The following AGRN variants were observed in gnomAD, a reference collection of about 807,000 sequenced individuals.
AGRN encodes the protein agrin proteoglycan.
AGRN carries 106 observed loss-of-function variants against 211.0 expected under a neutral mutation model. The ratio of observed to expected loss-of-function variants is 0.50; its 90% CI spans 0.43 to 0.59. AGRN has a LOEUF of 0.59. AGRN is among the 20% of genes least tolerant of loss of function. The probability of loss-of-function intolerance (pLI) is 0.00; values close to 1 mark genes in which losing one functional copy is unlikely to be tolerated. For missense variants in AGRN, 3,040 were observed against 2,982.6 expected (o/e 1.02, Z -0.45); for synonymous variants, 1,525 against 1,332.5 (o/e 1.14, Z -3.15).
At chr1:1,035,188 A>AGGG (rs1212899806) in intron 2 of AGRN, 89 bp from the exon 3 acceptor site, 4 of 1,019,870 alleles carry the variant, frequency 3.9e-6, no homozygotes, top group Non-Finnish European at 4.1e-6. Context: ...GGGGGTGGGC[A>AGGG]GGGGTGCCCC....
intron 3 of AGRN, 41 bp downstream of exon 3, chr1:1,035,365 C>T: frequency 6.2e-7 from 1 of 1,610,036 alleles, no homozygotes; most frequent in Non-Finnish European, 8.5e-7. Context: ...TGGGCTGTGG[C>T]ACTCTTGGGA....
Position 1,055,134 on chromosome 1 carries a change from T to C in AGRN, c.*153T>C. ...GCAGCCGTGCTGCAGACAGACCTAG[T>C]GCCGAGGGATGGACAGGCGAGGTGG... On this transcript the variant is annotated 3_prime_UTR_variant, in exon 36 of 36. Transcript: ENST00000379370. The C allele has an allele frequency of 7.8e-7, 1 of 1,282,026 alleles. No homozygotes were observed. 79.4% of individuals were successfully genotyped at this position (1,282,026 alleles called of 1,614,324 possible).
rs1443816566 is a variant in AGRN at position 1,045,985 on chromosome 1, G to C, written c.2702G>C (p.Cys901Ser). The C allele has an allele frequency of 1.9e-6, 3 of 1,613,784 alleles. No individual in the cohort carries two copies. The highest frequency in any genetic ancestry group is 2.5e-6 in the Non-Finnish European group (3 of 1,180,016). ...CCAGACGCTTCTGCGCCTGCGACCT[G>C]TGCGGAGATGCGCTGTGAGTTCGGT... ...CEADASAPAT[C>S]AEMRCEFGAR... Residue 901 changes from cysteine (C) to serine (S), a missense_variant, in exon 16 of 36, where the codon TGT becomes TCT. Coordinates refer to ENST00000379370, the MANE Select transcript of AGRN (RefSeq NM_198576.4).
rs752086367 is a variant in AGRN at position 1,048,145 on chromosome 1, C to T, written c.3885C>T (p.Ser1295=). The T allele has an allele frequency of 1.3e-6, 2 of 1,577,464 alleles. No individual in the cohort carries two copies. Among genetic ancestry groups the T allele is most frequent in the South Asian group, 2.3e-5 (2 of 87,272 alleles). Reference sequence around the variant, plus strand: ...GGGCCCCGCACCCCAGTCACACAAGCCAGCCCGTTGCCAAGACCACGGCAG... The same window carrying T: ...GGGCCCCGCACCCCAGTCACACAAGTCAGCCCGTTGCCAAGACCACGGCAG... ...TPRAPHPSHT[S]QPVAKTTAAP... Residue 1295 remains serine, a synonymous_variant, in exon 23 of 36, where the codon AGC becomes AGT. Transcript: ENST00000379370. This position sits in a 1 kb window ranked among gnomAD's most constrained non-coding sequence, Gnocchi z 5.9.
At chr1:1,022,597 A>C in intron 2 of AGRN, 135 bp downstream of exon 2, 1 of 788,540 alleles carries the variant, frequency 1.3e-6, no homozygotes, top group Non-Finnish European at 2.0e-6. Flanking sequence ...TTGTGGTCCA[A>C]CCTCATTCTC....
Position 1,041,261 on chromosome 1 carries a change from C to T in AGRN, c.816C>T (p.Cys272=), listed in dbSNP as rs1242989641. The T allele has an allele frequency of 3.3e-6, 5 of 1,503,972 alleles. No homozygotes were observed. The highest frequency in any genetic ancestry group is 2.1e-5 in the Admixed American group (1 of 47,790). 93.2% of individuals were successfully genotyped at this position (1,503,972 alleles called of 1,614,324 possible). The change falls in exon 5 of 36, where the codon TGC becomes TGT. Residue 272 remains cysteine, a synonymous_variant. Transcript: ENST00000379370. ...ACGGGCTGACGGCCTCGTGCCTGTGCCCCGCGACCTGCCGTGGCGCCCCCG... is the reference window on the plus strand; with the variant it reads ...ACGGGCTGACGGCCTCGTGCCTGTGTCCCGCGACCTGCCGTGGCGCCCCCG... ...SADGLTASCL[C]PATCRGAPEG... is the part of the protein sequence containing the mutation.
intron 25 of AGRN, 52 bp downstream of exon 25, chr1:1,049,503 G>C (rs577157456): frequency 6.3e-7 from 1 of 1,595,088 alleles, no homozygotes; most frequent in South Asian, 1.1e-5. Flanking sequence ...TTGGGGTCCC[G>C]GTGTACGAGG....
At chr1:1,025,881 A>C (rs1352942332) in intron 2 of AGRN, among the ~76,000 whole-genome samples, 1 of 151,846 alleles carries the variant, frequency 6.6e-6, no homozygotes. Context: ...TGTCCATCCC[A>C]ACCCCGGGGC....
In AGRN at chr1:1,055,264, G is replaced by A. The variant is rs944296732; in HGVS notation, c.*283G>A. 52 of 487,168 alleles carry A rather than the reference G, an allele frequency of 1.1e-4. 1 individual carries two copies. Among genetic ancestry groups the A allele is most frequent in the Middle Eastern group, 5.8e-4 (1 of 1,720 alleles). 30.2% of individuals were successfully genotyped at this position (487,168 alleles called of 1,614,324 possible). On this transcript the variant is annotated 3_prime_UTR_variant, in exon 36 of 36. Transcript: ENST00000379370. The stretch of plus-strand genomic sequence containing the variant: ...GCGCCTGCCCCACGGTGTCCCCGCC[G>A]GGAAGCAGCCCCGGCTCCTGAATCA...
intron 12 of AGRN, among the ~76,000 whole-genome samples, chr1:1,044,915 C>G (rs1003511933): frequency 1.3e-5 from 2 of 152,196 alleles, no homozygotes; most frequent in African/African-American, 4.8e-5. Flanking sequence ...GTGCACAGAG[C>G]TGCGTGTCCG....
chr1:1,053,595 C>T, intron 33 of AGRN, 158 bp from the exon 34 acceptor site: 1 of 1,503,278 alleles, frequency 6.7e-7, no homozygotes, highest in South Asian at 1.2e-5. Context: ...GTCTCCATCC[C>T]TCTTCTCCCT....
Position 1,054,960 on chromosome 1 carries a change from G to T in AGRN, c.6117G>T (p.Leu2039=). The T allele has an allele frequency of 6.5e-7, 1 of 1,548,862 alleles. No individual in the cohort carries two copies. Among genetic ancestry groups the T allele is most frequent in the South Asian group, 1.2e-5 (1 of 84,058 alleles). The change falls in exon 36 of 36, where the codon CTG becomes CTT. Residue 2039 remains leucine, a synonymous_variant. Coordinates refer to ENST00000379370, the MANE Select transcript of AGRN (RefSeq NM_198576.4). ...LLEDAVTKPE[L]RPCPTP ...AGGACGCCGTCACCAAGCCAGAGCT[G>T]CGGCCCTGCCCCACCCCATGAGCTG...
intron 18 of AGRN, 32 bp from the exon 19 acceptor site, chr1:1,046,788 C>G (rs1357967318): frequency 6.3e-6 from 10 of 1,574,962 alleles, no homozygotes; most frequent in Non-Finnish European, 8.6e-6. Context: ...AGAGGCTCCA[C>G]CAGAGCCTGG....
At chr1:1,053,495 T>C in intron 33 of AGRN, 1 of 1,516,746 alleles carries the variant, frequency 6.6e-7, no homozygotes, top group Non-Finnish European at 8.9e-7. Context: ...CCTTCACAGG[T>C]GAGCACGTGG....
intron 12 of AGRN, among the ~76,000 whole-genome samples, chr1:1,044,802 C>A (rs879229379): frequency 6.6e-6 from 1 of 152,188 alleles, no homozygotes; most frequent in African/African-American, 2.4e-5. Flanking sequence ...TGTGTGTCTG[C>A]AGAGGGGCGT....
In AGRN at chr1:1,034,607, C is replaced by T. The variant is rs1010134529; in HGVS notation, c.464-670C>T. On this transcript the variant is annotated intron_variant, in intron 2 of 35. Transcript: ENST00000379370. ...CACCCGGCAGCCGCCTGGCGCCTCCCTGCTGGTGCGAGGCTTCATGGTGCC... is the reference window on the plus strand; with the variant it reads ...CACCCGGCAGCCGCCTGGCGCCTCCTTGCTGGTGCGAGGCTTCATGGTGCC... 3.1e-5 allele frequency: 31 copies of T among 986,454 alleles called. No individual in the cohort carries two copies. In the African/African-American group the frequency reaches 3.5e-4, roughly 11 times the overall value. 61.1% of individuals were successfully genotyped at this position (986,454 alleles called of 1,614,324 possible). A position where few individuals can be genotyped will look rare whatever the true frequency, so the allele number is the denominator to read the frequency against.
In AGRN at chr1:1,051,298, G is replaced by T. The variant is rs1426112549; in HGVS notation, c.5299G>T (p.Gly1767Cys). 3 of 1,573,610 alleles carry T rather than the reference G, an allele frequency of 1.9e-6. No individual in the cohort carries two copies. Among genetic ancestry groups the T allele is most frequent in the African/African-American group, 2.7e-5 (2 of 74,196 alleles). Reference protein sequence around the residue: ...LNLKEPLYVGGAPDFSKLARA... With the variant: ...LNLKEPLYVGCAPDFSKLARA... ...CCTGAAGGAGCCGCTCTACGTAGGG[G>T]GCGCTCCCGACTTCAGCAAGCTGGC... The change falls in exon 31 of 36, where the codon GGC becomes TGC. Residue 1767 changes from glycine (G) to cysteine (C), a missense_variant. Gly to Cys is a radical substitution (Grantham distance 159). Around this residue, in one of 3 missense-constraint regions of AGRN, gnomAD observed 1,537 missense variants for 1,505.0 expected, o/e 1.02. Coordinates refer to ENST00000379370, the MANE Select transcript of AGRN (RefSeq NM_198576.4).
chr1:1,047,018 C>A, intron 19 of AGRN, 61 bp downstream of exon 19: 1 of 1,548,202 alleles, frequency 6.5e-7, no homozygotes, highest in Non-Finnish European at 8.7e-7. Context: ...GAGGTGCTGC[C>A]CCCTCGCCTG....
Position 1,054,444 on chromosome 1 carries a change from C to T in AGRN, c.5877-4C>T, listed in dbSNP as rs1291088122. 1 of 1,576,230 alleles carries T rather than the reference C, an allele frequency of 6.3e-7. No individual in the cohort carries two copies. The highest frequency in any genetic ancestry group is 8.6e-7 in the Non-Finnish European group (1 of 1,160,556). ...TGATGGTCTCCCCCTCCCTGCACAC[C>T]CAGGGAGCAGAGGGAAGGTTCCCTG... On this transcript the variant is annotated splice_polypyrimidine_tract_variant and splice_region_variant and intron_variant, in intron 34 of 35. Transcript: ENST00000379370.
Sources: allele counts gnomAD v4.1 joint callset (sites outside exome capture counted in the v4.1 genomes callset), GRCh38; gene constraint gnomAD v4.1.1; regional missense constraint gnomAD v4.1.1; non-coding constraint Gnocchi (gnomAD v3.1); transcripts MANE v1.5; gene names NCBI Gene and HGNC (gene_info 2026-07-23, HGNC 2026-07-21).